The following IRF8 variants were observed in gnomAD, a reference collection of about 807,000 sequenced individuals.
IRF8 encodes the protein interferon regulatory factor 8.
Under a neutral mutation model 48.7 loss-of-function variants are expected in IRF8, and 14 were observed. The ratio of observed to expected loss-of-function variants is 0.29; its 90% CI spans 0.19 to 0.45. The LOEUF is 0.45. Among genes scored for constraint, IRF8 ranks in the 20% least tolerant of loss-of-function variants. The pLI, the probability that IRF8 is intolerant of heterozygous loss-of-function variation, is 1.00. For synonymous variants in IRF8, 278 were observed against 227.3 expected (o/e 1.22, Z -2.01); for missense variants, 493 against 580.7 (o/e 0.85, Z 1.55).
chr16:85,912,194 T>C lies in IRF8; in HGVS notation c.447+536T>C, dbSNP rs149722513. Among the ~76,000 whole-genome samples, 340 of 152,348 alleles carry C rather than the reference T, an allele frequency of 2.2e-3. 2 individuals are homozygous for C. Among genetic ancestry groups the C allele is most frequent in the African/African-American group, 7.9e-3 (329 of 41,572 alleles). ...CATTGCACATAAATTCCTAACAGGC[T>C]ACAAGGGAGAGCATAATCGGGGCCT... On this transcript the variant is annotated intron_variant, in intron 4 of 8. Coordinates refer to ENST00000268638, the MANE Select transcript of IRF8 (RefSeq NM_002163.4).
At chr16:85,920,672 T>C (rs1348731829) in intron 8 of IRF8, among the ~76,000 whole-genome samples, 5 of 152,212 alleles carry the variant, frequency 3.3e-5, no homozygotes, top group African/African-American at 1.2e-4. Context: ...ACCTTCAATA[T>C]GCGGGAAGCG....
chr16:85,918,989 G>A (rs1177279975), intron 7 of IRF8, among the ~76,000 whole-genome samples, 186 bp downstream of exon 7: 1 of 152,174 alleles, frequency 6.6e-6, no homozygotes, highest in Non-Finnish European at 1.5e-5. Context: ...GCGATCCTGG[G>A]GTGCTTCTCT....
intron 7 of IRF8, among the ~76,000 whole-genome samples, chr16:85,919,650 G>A (rs764651992): frequency 1.3e-5 from 2 of 152,218 alleles, no homozygotes; most frequent in East Asian, 1.9e-4. Context: ...GGTCTGAGGC[G>A]GGGCCCAAGA....
At chr16:85,920,709 C>T (rs1435180139) in intron 8 of IRF8, among the ~76,000 whole-genome samples, 4 of 152,222 alleles carry the variant, frequency 2.6e-5, no homozygotes, top group Non-Finnish European at 5.9e-5. Context: ...GAGCCATCTT[C>T]TGGTGTCTGG....
At chr16:85,916,805 A>G (rs1362459095) in intron 6 of IRF8, among the ~76,000 whole-genome samples, 1 of 152,190 alleles carries the variant, frequency 6.6e-6, no homozygotes, top group African/African-American at 2.4e-5. Context: ...GAAGTTGCAG[A>G]CTTGGCGTGG....
chr16:85,917,097 G>C (rs567750098), intron 6 of IRF8, among the ~76,000 whole-genome samples: 4 of 152,276 alleles, frequency 2.6e-5, no homozygotes, highest in East Asian at 3.9e-4. Context: ...GGTCCAAGGA[G>C]TTCTGAGTGC....
At chr16:85,915,965 C>T (rs552064605) in intron 6 of IRF8, among the ~76,000 whole-genome samples, 2 of 151,986 alleles carry the variant, frequency 1.3e-5, no homozygotes, top group South Asian at 4.2e-4. Context: ...AGTTTCCTTA[C>T]CTGGAAAATG....
In IRF8 at chr16:85,910,275, C is replaced by T. The variant is rs953376926; in HGVS notation, c.358+1102C>T. ...ATGCCCGACCCGGACAGTACAATTG[C>T]GGTTTGGGGCGTTTGTAGCCTAATC... On this transcript the variant is annotated intron_variant, in intron 3 of 8. Transcript: ENST00000268638. 5.3e-5 allele frequency among the ~76,000 whole-genome samples: 8 copies of T among 152,268 alleles called. No individual in the cohort carries two copies. The South Asian group carries it at 8.3e-4, about 16-fold the overall frequency.
In IRF8 at chr16:85,909,005, A is replaced by G; in HGVS notation, c.190A>G (p.Lys64Glu). Reference protein sequence around the residue: ...ASIFKAWAVFKGKFKEGDKAE... With the variant: ...ASIFKAWAVFEGKFKEGDKAE... Reference sequence around the variant, plus strand: ...CTTTCTTCAGGCCTGGGCAGTTTTTAAAGGGAAGTTTAAAGAAGGGGACAA... The same window carrying G: ...CTTTCTTCAGGCCTGGGCAGTTTTTGAAGGGAAGTTTAAAGAAGGGGACAA... Residue 64 changes from lysine (K) to glutamate (E), a missense_variant, in exon 3 of 9, where the codon AAA (lysine) becomes GAA (glutamate). This residue lies in a region of IRF8 where 31 missense variants were observed against 71.2 expected (regional missense o/e 0.44). Transcript: ENST00000268638. 6.2e-7 allele frequency: 1 copy of G among 1,614,040 alleles called. No individual in the cohort carries two copies. The highest frequency in any genetic ancestry group is 8.5e-7 in the Non-Finnish European group (1 of 1,179,948).
chr16:85,917,790 C>A (rs892550477), intron 6 of IRF8, among the ~76,000 whole-genome samples: 1 of 152,202 alleles, frequency 6.6e-6, no homozygotes, highest in Non-Finnish European at 1.5e-5. Flanking sequence ...ACATGTATCA[C>A]CCCTCCCCCA....
chr16:85,903,120 G>A lies in IRF8; in HGVS notation c.105G>A (p.Met35Ile), dbSNP rs1215205167. 6.2e-7 allele frequency: 1 copy of A among 1,614,056 alleles called. No homozygotes were observed. The highest frequency in any genetic ancestry group is 1.1e-5 in the South Asian group (1 of 91,090). Residue 35 changes from methionine to isoleucine, a missense_variant, in exon 2 of 9, where the codon ATG (methionine) becomes ATA (isoleucine). Coordinates refer to ENST00000268638, the MANE Select transcript of IRF8 (RefSeq NM_002163.4). ...TTTGGGAGAATGAGGAGAAGAGCATGTTCCGGATCCCTTGGAAACACGCTG... is the reference window on the plus strand; with the variant it reads ...TTTGGGAGAATGAGGAGAAGAGCATATTCCGGATCCCTTGGAAACACGCTG... ...GLIWENEEKSMFRIPWKHAGK... is the reference protein window; with the variant it reads ...GLIWENEEKSIFRIPWKHAGK...
chr16:85,905,917 C>A (rs946661480), intron 2 of IRF8, among the ~76,000 whole-genome samples: 1 of 152,172 alleles, frequency 6.6e-6, no homozygotes, highest in Non-Finnish European at 1.5e-5. Context: ...ATCCTGAGGC[C>A]GGCCTCATGG....
At chr16:85,917,881 A>G (rs1453418720) in intron 6 of IRF8, among the ~76,000 whole-genome samples, 2 of 152,232 alleles carry the variant, frequency 1.3e-5, no homozygotes, top group African/African-American at 2.4e-5. Flanking sequence ...ACAGATTTGG[A>G]TGAAGGGTTT....
chr16:85,910,721 A>G (rs902149134), intron 3 of IRF8, among the ~76,000 whole-genome samples: 1 of 152,214 alleles, frequency 6.6e-6, no homozygotes, highest in South Asian at 2.1e-4. Context: ...ACTCGCCTCT[A>G]ACCTCAGTGG....
intron 2 of IRF8, among the ~76,000 whole-genome samples, chr16:85,905,966 C>A (rs1350057559): frequency 1.3e-5 from 2 of 152,174 alleles, no homozygotes; most frequent in Non-Finnish European, 2.9e-5. Flanking sequence ...ACATTGAGCT[C>A]ATTTTGTACC....
intron 6 of IRF8, among the ~76,000 whole-genome samples, chr16:85,916,506 C>G (rs773631608): frequency 3.0e-4 from 45 of 152,344 alleles, no homozygotes; most frequent in Non-Finnish European, 5.6e-4. Context: ...TCTCACCTGT[C>G]AGGTACAAGC....
rs149547449 is a variant in IRF8 at position 85,902,950 on chromosome 16, T to C, written c.-1-65T>C. 1.8e-4 allele frequency: 286 copies of C among 1,570,836 alleles called. 3 individuals carry two copies. In the Middle Eastern group the frequency reaches 0.011, roughly 59 times the overall value. On this transcript the variant is annotated intron_variant, in intron 1 of 8. Coordinates refer to ENST00000268638, the MANE Select transcript of IRF8 (RefSeq NM_002163.4). ...CCTCTGAGTTTCCTGTTAGCAGTTTTTGGGTTGCTGTGATGAATGAGACAA... is the reference window on the plus strand; with the variant it reads ...CCTCTGAGTTTCCTGTTAGCAGTTTCTGGGTTGCTGTGATGAATGAGACAA...
chr16:85,905,104 A>G (rs1904956377), intron 2 of IRF8, among the ~76,000 whole-genome samples: 1 of 152,198 alleles, frequency 6.6e-6, no homozygotes, highest in Non-Finnish European at 1.5e-5. Context: ...TGTCTTGGAC[A>G]TTGCCAAATA....
In IRF8 at chr16:85,902,890, G is replaced by C. The variant is rs928350463; in HGVS notation, c.-1-125G>C. 3 of 1,011,682 alleles carry C rather than the reference G, an allele frequency of 3.0e-6. No individual in the cohort carries two copies. In the African/African-American group the frequency reaches 4.7e-5, roughly 16 times the overall value. The allele number at this position is 1,011,682 out of a possible 1,614,324, so 62.7% of individuals were successfully genotyped here. ...CAGGTGTCCCGGAGTCCCTGAATCTGTGGGTTTCCCCCAAGCCAGCACCTT... is the reference window on the plus strand; with the variant it reads ...CAGGTGTCCCGGAGTCCCTGAATCTCTGGGTTTCCCCCAAGCCAGCACCTT... On this transcript the variant is annotated intron_variant, in intron 1 of 8. Transcript: ENST00000268638.
Sources: allele counts gnomAD v4.1 joint callset (sites outside exome capture counted in the v4.1 genomes callset), GRCh38; gene constraint gnomAD v4.1.1; regional missense constraint gnomAD v4.1.1; transcripts MANE v1.5; gene names NCBI Gene and HGNC (gene_info 2026-07-23, HGNC 2026-07-21).